Variants in MAGI1 observed in about 807,000 individuals in gnomAD.
MAGI1 encodes membrane-associated guanylate kinase, WW and PDZ domain-containing protein 1.
In MAGI1, 58 loss-of-function variants were observed where a neutral mutation model predicts 139.9. That is an observed-to-expected ratio of 0.41 (90% CI 0.34 to 0.52). MAGI1 has a LOEUF of 0.52. Ranked by LOEUF, MAGI1 falls within the 20% of genes least tolerant of loss-of-function variation. The pLI is 0.12. For synonymous variants in MAGI1, 812 were observed against 737.9 expected, an observed-to-expected ratio of 1.10 and a Z score of -1.63; for missense variants, 1,874 against 1,901.6, an observed-to-expected ratio of 0.99 and a Z score of 0.27.
At chr3:65,500,266 T>C (rs1036296474) in intron 2 of MAGI1, among the ~76,000 whole-genome samples, 5 of 152,182 alleles carry the variant, frequency 3.3e-5, no homozygotes, top group African/African-American at 4.8e-5. Context: ...AGTATTTAAG[T>C]ACCTCCAAGA....
rs146327145 is a variant in MAGI1, at chr3:65,770,198, T to C, written c.314-148110A>G. ...GAAATACAACCAGTGTGTCAAGGCC[T>C]ATGTGGCCATTCAGCATTTCCCAGA... is the stretch of plus-strand genomic sequence containing the variant. On this transcript the variant is annotated intron_variant, in intron 1 of 22. Transcript: ENST00000402939. Among the ~76,000 whole-genome samples, 280 of 152,350 alleles carry C rather than the reference T, an allele frequency of 1.8e-3. 1 individual carries two copies. The highest frequency in any genetic ancestry group is 6.5e-3 in the African/African-American group (270 of 41,570).
chr3:65,379,306 C>T lies in MAGI1; in HGVS notation c.2950G>A (p.Val984Ile), dbSNP rs753471850. 3.7e-6 allele frequency: 6 copies of T among 1,613,190 alleles called. No homozygotes were observed. The highest frequency in any genetic ancestry group is 3.3e-5 in the South Asian group (3 of 90,918). The change falls in exon 17 of 23, where the codon GTC becomes ATC. Residue 984 changes from valine (V) to isoleucine (I), a missense_variant. Physicochemically the swap from Val to Ile is conservative, Grantham distance 29 (BLOSUM62 3). Around this residue, in one of 5 missense-constraint regions of MAGI1, gnomAD observed 5 missense variants for 19.5 expected, o/e 0.26. Transcript: ENST00000402939. ...GGCCTGCTCACCGAGGACACGATGA[C>T]GAAGCCGAAGCCCTCGTTCTCCCCG... ...RRGENEGFGF[V>I]IVSSVSRPEA... is the part of the protein sequence containing the mutation.
chr3:65,936,611 T>C (rs1187869205), intron 1 of MAGI1, among the ~76,000 whole-genome samples: 1 of 151,628 alleles, frequency 6.6e-6, no homozygotes, highest in Non-Finnish European at 1.5e-5. Context: ...AAAAATCTTA[T>C]GTAGATATAT....
At chr3:65,793,210 A>G (rs1276229930) in intron 1 of MAGI1, among the ~76,000 whole-genome samples, 2 of 152,228 alleles carry the variant, frequency 1.3e-5, no homozygotes, top group East Asian at 3.8e-4. Context: ...TCAGGTGTGC[A>G]CCATGCTGGC....
intron 2 of MAGI1, among the ~76,000 whole-genome samples, chr3:65,568,109 C>T (rs1025869605): frequency 3.3e-5 from 5 of 152,218 alleles, no homozygotes; most frequent in South Asian, 2.1e-4. Flanking sequence ...AGGCACTTAA[C>T]GTGGAAGACT....
At chr3:65,434,390 A>G (rs1461064084) in intron 10 of MAGI1, among the ~76,000 whole-genome samples, 3 of 152,158 alleles carry the variant, frequency 2.0e-5, no homozygotes, top group Admixed American at 1.3e-4. Flanking sequence ...GTGGAGGGGT[A>G]GCTGCAAAAA....
chr3:65,614,195 G>C (rs1160074128), intron 2 of MAGI1, among the ~76,000 whole-genome samples: 1 of 152,166 alleles, frequency 6.6e-6, no homozygotes, highest in Admixed American at 6.5e-5. Context: ...ACAGGGGCAG[G>C]GCATGAGTCC....
intron 1 of MAGI1, among the ~76,000 whole-genome samples, chr3:65,758,929 C>T (rs1195614786): frequency 1.3e-5 from 2 of 152,010 alleles, no homozygotes; most frequent in Admixed American, 1.3e-4. Context: ...AAATAAGATA[C>T]TCAAGGAACA....
intron 1 of MAGI1, among the ~76,000 whole-genome samples, chr3:65,807,410 G>A (rs922394026): frequency 4.6e-5 from 7 of 152,156 alleles, no homozygotes; most frequent in African/African-American, 1.7e-4. Flanking sequence ...CCACTCATGA[G>A]AGCTCCACCC....
intron 4 of MAGI1, 98 bp from the exon 5 acceptor site, chr3:65,470,582 C>T (rs1037082169): frequency 2.8e-6 from 2 of 712,902 alleles, no homozygotes; most frequent in Admixed American, 2.5e-5. Flanking sequence ...TGCAACTATA[C>T]ACATCTATAT....
At chr3:66,013,668 G>A (rs1285841153) in intron 1 of MAGI1, among the ~76,000 whole-genome samples, 1 of 151,356 alleles carries the variant, frequency 6.6e-6, no homozygotes, top group Admixed American at 6.6e-5. Flanking sequence ...GACTGAAGCA[G>A]GAGAATGGCT....
At chr3:65,856,506 T>A (rs2059383163) in intron 1 of MAGI1, among the ~76,000 whole-genome samples, 1 of 152,176 alleles carries the variant, frequency 6.6e-6, no homozygotes, top group Admixed American at 6.5e-5. Flanking sequence ...CAAACTGCAA[T>A]GCTGCCCAAT....
chr3:65,551,232 G>A (rs1451066129), intron 2 of MAGI1, among the ~76,000 whole-genome samples: 1 of 152,168 alleles, frequency 6.6e-6, no homozygotes, highest in Admixed American at 6.5e-5. Flanking sequence ...TTCCCCTTCT[G>A]CCGTGATTCT....
chr3:65,649,751 GA>G (rs1425510665), intron 1 of MAGI1, among the ~76,000 whole-genome samples: 1 of 152,158 alleles, frequency 6.6e-6, no homozygotes, highest in Non-Finnish European at 1.5e-5. Flanking sequence ...ATAAGCATAT[GA>G]AAAGATGTCT....
intron 1 of MAGI1, among the ~76,000 whole-genome samples, chr3:65,962,851 G>A (rs1443758070): frequency 4.6e-5 from 6 of 129,116 alleles, no homozygotes; most frequent in African/African-American, 5.8e-5. Flanking sequence ...AAAAAAAGAA[G>A]CAGAAGAAAA....
intron 9 of MAGI1, 125 bp from the exon 10 acceptor site, chr3:65,437,372 G>C: frequency 4.2e-6 from 2 of 477,834 alleles, no homozygotes; most frequent in Non-Finnish European, 3.6e-6. Flanking sequence ...AGATTAAAAA[G>C]AAGTTGTTAT....
chr3:65,437,348 A>C (rs1014196751), intron 9 of MAGI1, 101 bp from the exon 10 acceptor site: 1 of 616,968 alleles, frequency 1.6e-6, no homozygotes, highest in Non-Finnish European at 2.7e-6. Context: ...CAATAAACCA[A>C]GGGCAGATAG....
At chr3:65,395,004 G>C (rs1372313825) in intron 13 of MAGI1, among the ~76,000 whole-genome samples, 1 of 152,116 alleles carries the variant, frequency 6.6e-6, no homozygotes, top group East Asian at 1.9e-4. Context: ...ACGAAACCCT[G>C]TGCATACTAA....
intron 1 of MAGI1, among the ~76,000 whole-genome samples, chr3:65,949,171 A>G (rs1264358589): frequency 1.3e-5 from 2 of 152,240 alleles, no homozygotes; most frequent in Non-Finnish European, 2.9e-5. Flanking sequence ...CCCTTGGTCC[A>G]GAGCACGTGT....
Sources: allele counts gnomAD v4.1 joint callset (sites outside exome capture counted in the v4.1 genomes callset), GRCh38; gene constraint gnomAD v4.1.1; regional missense constraint gnomAD v4.1.1; transcripts MANE v1.5; gene names NCBI Gene and HGNC (gene_info 2026-07-23, HGNC 2026-07-21).